The following AUTS2 variants were observed in gnomAD, a reference collection of about 807,000 sequenced individuals.
AUTS2 encodes autism susceptibility gene 2 protein.
A neutral mutation model predicts 112.4 loss-of-function variants in AUTS2; 17 were observed. That is an observed-to-expected ratio of 0.15 (90% confidence interval 0.10 to 0.23). AUTS2 has a LOEUF of 0.23. Among genes scored for constraint, AUTS2 ranks in the 10% least tolerant of loss-of-function variants. The probability of loss-of-function intolerance (pLI) is 1.00; values close to 1 mark genes in which losing one functional copy is unlikely to be tolerated. For synonymous variants in AUTS2, 751 were observed against 702.7 expected, an observed-to-expected ratio of 1.07 and a Z score of -1.09; for missense variants, 1,510 against 1,701.6, an observed-to-expected ratio of 0.89 and a Z score of 1.98.
chr7:69,827,162 G>A (rs1791285610), intron 1 of AUTS2, among the ~76,000 whole-genome samples: 1 of 152,134 alleles, frequency 6.6e-6, no homozygotes, highest in Non-Finnish European at 1.5e-5. Context: ...CCACACCCAG[G>A]AATCTGCTTG....
chr7:70,013,223 C>T (rs1300051091), intron 2 of AUTS2, among the ~76,000 whole-genome samples: 1 of 152,156 alleles, frequency 6.6e-6, no homozygotes, highest in African/African-American at 2.4e-5. Flanking sequence ...AGCTTGCTTC[C>T]TTTCCTAAAG....
intron 2 of AUTS2, among the ~76,000 whole-genome samples, chr7:69,911,084 G>A (rs1169057419): frequency 6.6e-6 from 1 of 152,218 alleles, no homozygotes. Context: ...GATTTGGGTG[G>A]GGCTACAGCC....
chr7:70,301,937 G>GT (rs35067729), intron 4 of AUTS2, among the ~76,000 whole-genome samples: 1,532 of 146,738 alleles, frequency 0.01, 16 homozygotes, highest in African/African-American at 0.027. Flanking sequence ...GTTTTTTGTG[G>GT]TTTTTTTTTT....
intron 1 of AUTS2, among the ~76,000 whole-genome samples, chr7:69,649,121 G>A (rs973913007): frequency 2.0e-5 from 3 of 152,148 alleles, no homozygotes; most frequent in Admixed American, 1.3e-4. Context: ...CTTCTTGTAC[G>A]TGTGTACATG....
intron 1 of AUTS2, among the ~76,000 whole-genome samples, chr7:69,661,159 G>A (rs780226211): frequency 2.6e-5 from 4 of 152,138 alleles, no homozygotes; most frequent in Non-Finnish European, 4.4e-5. Context: ...AATTTGAGAG[G>A]ACTAGAGAGG....
intron 2 of AUTS2, among the ~76,000 whole-genome samples, chr7:70,043,563 T>C (rs1267447129): frequency 1.2e-4 from 8 of 64,204 alleles, no homozygotes; most frequent in African/African-American, 4.8e-4. Flanking sequence ...CTTCCTTCCT[T>C]CCTTCCTTCC....
At chr7:70,220,395 G>C (rs1443875691) in intron 4 of AUTS2, among the ~76,000 whole-genome samples, 4 of 152,156 alleles carry the variant, frequency 2.6e-5, no homozygotes, top group African/African-American at 9.7e-5. Flanking sequence ...AGTATCAGAC[G>C]TGTGTTAGGC....
chr7:70,585,964 G>A (rs1802669120), intron 5 of AUTS2, among the ~76,000 whole-genome samples: 1 of 151,970 alleles, frequency 6.6e-6, no homozygotes, highest in Admixed American at 6.6e-5. Flanking sequence ...CCGGGTTCAA[G>A]CTATTCTCCT....
chr7:70,090,489 G>T (rs545907371), intron 2 of AUTS2, among the ~76,000 whole-genome samples: 9 of 151,768 alleles, frequency 5.9e-5, no homozygotes, highest in Non-Finnish European at 1.2e-4. Flanking sequence ...TCAGCCTCCC[G>T]ACTGGCTGGG....
intron 6 of AUTS2, among the ~76,000 whole-genome samples, chr7:70,716,753 C>T (rs1385701870): frequency 1.3e-5 from 2 of 150,532 alleles, no homozygotes; most frequent in African/African-American, 4.9e-5. Context: ...TGATGCAATT[C>T]CAGCCTGGGA....
chr7:69,810,890 C>G (rs932133202), intron 1 of AUTS2, among the ~76,000 whole-genome samples: 6 of 151,944 alleles, frequency 3.9e-5, no homozygotes, highest in Non-Finnish European at 7.4e-5. Flanking sequence ...AATATTATAC[C>G]CCTAATTCTA....
At chr7:69,879,298 C>T (rs1186564251) in intron 1 of AUTS2, among the ~76,000 whole-genome samples, 1 of 150,822 alleles carries the variant, frequency 6.6e-6, no homozygotes, top group African/African-American at 2.5e-5. Flanking sequence ...CATGTGCCAC[C>T]ATGCCCGGCT....
At chr7:70,159,182 A>G (rs1359359394) in intron 4 of AUTS2, among the ~76,000 whole-genome samples, 1 of 152,188 alleles carries the variant, frequency 6.6e-6, no homozygotes, top group Non-Finnish European at 1.5e-5. Context: ...ATATGGCATT[A>G]GATGATTATG....
At chr7:69,719,278 C>T (rs1011833092) in intron 1 of AUTS2, among the ~76,000 whole-genome samples, 1 of 152,094 alleles carries the variant, frequency 6.6e-6, no homozygotes, top group Admixed American at 6.6e-5. Context: ...CTCATATCCC[C>T]CAAGTATCAG....
intron 1 of AUTS2, among the ~76,000 whole-genome samples, chr7:69,753,268 C>G (rs1193024580): frequency 6.6e-6 from 1 of 151,976 alleles, no homozygotes; most frequent in Admixed American, 6.6e-5. Context: ...GTCTGTCATA[C>G]ATTTGTCTGG....
chr7:70,297,454 A>G (rs1279389545), intron 4 of AUTS2, among the ~76,000 whole-genome samples: 1 of 149,400 alleles, frequency 6.7e-6, no homozygotes. Flanking sequence ...TTATCGAGAC[A>G]GAGTCTCGCT....
chr7:69,749,580 T>C (rs915817386), intron 1 of AUTS2, among the ~76,000 whole-genome samples: 5 of 152,134 alleles, frequency 3.3e-5, no homozygotes, highest in African/African-American at 1.2e-4. Context: ...CCTTCCAGAG[T>C]ATTTGTTTCT....
At chr7:70,570,603 G>A (rs71549362) in intron 5 of AUTS2, among the ~76,000 whole-genome samples, 11,540 of 152,060 alleles carry the variant, frequency 0.076, 519 homozygotes, top group Middle Eastern at 0.11. Flanking sequence ...CCCACTGAAC[G>A]TTCCTTTAAC....
intron 5 of AUTS2, among the ~76,000 whole-genome samples, chr7:70,483,131 G>T (rs1797854996): frequency 6.6e-6 from 1 of 152,084 alleles, no homozygotes; most frequent in Admixed American, 6.5e-5. Context: ...CCTCTCTGGG[G>T]CCCCTGAATT....
Sources: gnomAD v4.1 joint callset for allele counts (sites outside exome capture counted in the v4.1 genomes callset) on GRCh38, gnomAD v4.1.1 for gene constraint, MANE v1.5 for transcripts, NCBI Gene and HGNC (gene_info 2026-07-23, HGNC 2026-07-21) for gene names.